NLGN1: variants seen among roughly 807,000 people sequenced by gnomAD.
NLGN1 encodes the protein neuroligin 1.
In NLGN1, 12 loss-of-function variants were observed where a neutral mutation model predicts 65.5. The observed-to-expected ratio is 0.18, with a 90% CI of 0.12 to 0.30. The LOEUF (loss-of-function observed/expected upper bound fraction) is 0.30, where lower values mean the gene tolerates loss of function less well. NLGN1 is among the 10% of genes least tolerant of loss of function. The pLI, the probability that NLGN1 is intolerant of heterozygous loss-of-function variation, is 1.00. For synonymous variants in NLGN1, 350 were observed against 359.5 expected (o/e 0.97, Z 0.30); for missense variants, 750 against 1,007.1 (o/e 0.74, Z 3.46).
intron 3 of NLGN1, among the ~76,000 whole-genome samples, chr3:173,791,106 A>T (rs981299302): frequency 1.3e-5 from 2 of 152,236 alleles, no homozygotes; most frequent in African/African-American, 4.8e-5. Flanking sequence ...GTATCTGCAT[A>T]GAGTACTGTG....
intron 4 of NLGN1, among the ~76,000 whole-genome samples, chr3:174,142,611 A>G (rs1450511481): frequency 1.3e-5 from 2 of 152,222 alleles, no homozygotes; most frequent in African/African-American, 4.8e-5. Flanking sequence ...GCCCTGAGGT[A>G]GAATGAGCTT....
intron 2 of NLGN1, among the ~76,000 whole-genome samples, chr3:173,559,278 G>T (rs1166128396): frequency 6.6e-6 from 1 of 152,106 alleles, no homozygotes; most frequent in Non-Finnish European, 1.5e-5. Context: ...ATTTGTTTTA[G>T]CATATGAGTC....
intron 3 of NLGN1, among the ~76,000 whole-genome samples, chr3:173,784,060 A>G (rs1273927556): frequency 6.6e-6 from 1 of 152,218 alleles, no homozygotes; most frequent in Non-Finnish European, 1.5e-5. Context: ...ATAAATATGC[A>G]CTGATAGGAG....
intron 2 of NLGN1, among the ~76,000 whole-genome samples, chr3:173,485,082 G>A (rs1332250263): frequency 1.4e-5 from 2 of 144,514 alleles, no homozygotes; most frequent in Non-Finnish European, 3.0e-5. Context: ...GAAGTAAGGA[G>A]GAGCAAGTCA....
chr3:173,502,395 A>G (rs1360424988), intron 2 of NLGN1, among the ~76,000 whole-genome samples: 1 of 152,132 alleles, frequency 6.6e-6, no homozygotes, highest in Non-Finnish European at 1.5e-5. Context: ...TAGATGACAC[A>G]AATTAAGTTG....
At chr3:173,973,550 G>GTT (rs201920885) in intron 4 of NLGN1, among the ~76,000 whole-genome samples, 2 of 147,410 alleles carry the variant, frequency 1.4e-5, no homozygotes, top group Non-Finnish European at 3.0e-5. Context: ...AAATTATGTG[G>GTT]TTTTTTTTTT....
intron 1 of NLGN1, among the ~76,000 whole-genome samples, chr3:173,420,462 T>C (rs1254114224): frequency 1.3e-5 from 2 of 152,024 alleles, no homozygotes; most frequent in African/African-American, 2.4e-5. Context: ...CACATTTTCT[T>C]AATCCAGTCT....
chr3:173,858,008 T>C (rs1728325179), intron 4 of NLGN1, among the ~76,000 whole-genome samples: 1 of 141,196 alleles, frequency 7.1e-6, no homozygotes, highest in Admixed American at 7.1e-5. Context: ...AAGTGAACAA[T>C]TACTAAAAAT....
chr3:173,464,919 C>T (rs1032625472), intron 2 of NLGN1, among the ~76,000 whole-genome samples: 1 of 151,334 alleles, frequency 6.6e-6, no homozygotes, highest in East Asian at 1.9e-4. Context: ...TGAATTGCCT[C>T]CTATAGACAG....
chr3:174,121,508 G>A (rs563247928), intron 4 of NLGN1, among the ~76,000 whole-genome samples: 1 of 152,282 alleles, frequency 6.6e-6, no homozygotes, highest in South Asian at 2.1e-4. Flanking sequence ...ATTAGCTAAT[G>A]TAATCAGCAA....
At chr3:174,064,555 A>T (rs1391133253) in intron 4 of NLGN1, among the ~76,000 whole-genome samples, 4 of 150,564 alleles carry the variant, frequency 2.7e-5, no homozygotes, top group Non-Finnish European at 5.9e-5. Flanking sequence ...AATGCTTATT[A>T]ATTACATTAA....
At chr3:173,610,847 A>C (rs964758215) in intron 3 of NLGN1, among the ~76,000 whole-genome samples, 1 of 151,984 alleles carries the variant, frequency 6.6e-6, no homozygotes, top group African/African-American at 2.4e-5. Flanking sequence ...TTTGCTTTTT[A>C]AAAAGGCATC....
downstream of NLGN1, among the ~76,000 whole-genome samples, chr3:174,291,108 A>G (rs1277151042): frequency 6.6e-6 from 1 of 150,598 alleles, no homozygotes; most frequent in African/African-American, 2.4e-5. Context: ...AAAATTTTCA[A>G]AAAGAAATGG....
chr3:173,709,803 C>CAAAAAAA (rs59998502), intron 3 of NLGN1, among the ~76,000 whole-genome samples: 5 of 69,250 alleles, frequency 7.2e-5, no homozygotes, highest in East Asian at 4.8e-4. Context: ...AACTCTATCT[C>CAAAAAAA]AAAAAAAAAA....
intron 2 of NLGN1, among the ~76,000 whole-genome samples, chr3:173,453,091 T>C (rs945087581): frequency 2.1e-4 from 31 of 151,168 alleles, no homozygotes; most frequent in African/African-American, 6.9e-4. Flanking sequence ...ATGTAATTTC[T>C]TTTCTTTTCT....
chr3:173,663,640 A>G (rs1204238617), intron 3 of NLGN1, among the ~76,000 whole-genome samples: 1 of 152,006 alleles, frequency 6.6e-6, no homozygotes, highest in African/African-American at 2.4e-5. Flanking sequence ...ATGAATCAGA[A>G]AAAAGCTGCA....
At chr3:173,686,955 A>C (rs957273061) in intron 3 of NLGN1, among the ~76,000 whole-genome samples, 4 of 151,694 alleles carry the variant, frequency 2.6e-5, no homozygotes, top group Non-Finnish European at 4.4e-5. Context: ...TCCGTCCCAA[A>C]GACAAAAAAA....
intron 3 of NLGN1, among the ~76,000 whole-genome samples, chr3:173,790,855 G>C (rs1712562585): frequency 6.6e-6 from 1 of 152,080 alleles, no homozygotes; most frequent in Non-Finnish European, 1.5e-5. Context: ...TGTCTCCTGA[G>C]ATGCTGTGAG....
At chr3:173,648,172 A>C (rs1030647273) in intron 3 of NLGN1, among the ~76,000 whole-genome samples, 1 of 152,214 alleles carries the variant, frequency 6.6e-6, no homozygotes, top group Non-Finnish European at 1.5e-5. Flanking sequence ...GGACACCACC[A>C]AAATTTAAAT....
Sources: allele counts gnomAD v4.1 joint callset (sites outside exome capture counted in the v4.1 genomes callset), GRCh38; gene constraint gnomAD v4.1.1; transcripts MANE v1.5; gene names NCBI Gene and HGNC (gene_info 2026-07-23, HGNC 2026-07-21).